Variants in NR2E1 observed in about 807,000 individuals in gnomAD.
NR2E1 encodes the protein nuclear receptor subfamily 2 group E member 1, also known as nuclear receptor TLX.
A neutral mutation model predicts 43.6 loss-of-function variants in NR2E1; 5 were observed. The ratio of observed to expected loss-of-function variants is 0.11; its 90% CI spans 0.06 to 0.24. NR2E1 has a LOEUF of 0.24. Ranked by LOEUF, NR2E1 falls within the 10% of genes least tolerant of loss-of-function variation. NR2E1 has a pLI of 1.00. For synonymous variants in NR2E1, 191 were observed against 195.5 expected (o/e 0.98, Z 0.19); for missense variants, 287 against 496.7 (o/e 0.58, Z 4.01).
chr6:108,175,539 T>C (rs1459220984), intron 3 of NR2E1, among the ~76,000 whole-genome samples: 1 of 152,174 alleles, frequency 6.6e-6, no homozygotes, highest in East Asian at 1.9e-4. Context: ...GACACCCAGC[T>C]CTCCCAAGGC....
chr6:108,171,789 G>A (rs1003784335), intron 2 of NR2E1, among the ~76,000 whole-genome samples, 186 bp downstream of exon 2: 3 of 151,770 alleles, frequency 2.0e-5, no homozygotes, highest in Non-Finnish European at 2.9e-5. Context: ...GCGGGAAGAG[G>A]TAAGGGAAGA....
At chr6:108,171,958 G>A (rs1773819124) in intron 2 of NR2E1, among the ~76,000 whole-genome samples, 1 of 152,194 alleles carries the variant, frequency 6.6e-6, no homozygotes, top group Non-Finnish European at 1.5e-5. Context: ...ACCACAAGTA[G>A]CAAGCAGGAG....
At chr6:108,167,918 C>A in intron 1 of NR2E1, 1 of 1,220,492 alleles carries the variant, frequency 8.2e-7, no homozygotes, top group Non-Finnish European at 1.1e-6. Flanking sequence ...CAATTCCCGC[C>A]CTCCTACCCC....
At chr6:108,182,241 C>CAAAAAAAAAAAA (rs766203121) in intron 8 of NR2E1, among the ~76,000 whole-genome samples, 1 of 74,320 alleles carries the variant, frequency 1.3e-5, no homozygotes. Context: ...GACTCCGTCT[C>CAAAAAAAAAAAA]AAAAAAAAAA....
intron 8 of NR2E1, among the ~76,000 whole-genome samples, chr6:108,184,112 A>C (rs1031774410): frequency 1.3e-5 from 2 of 152,188 alleles, no homozygotes; most frequent in African/African-American, 4.8e-5. Context: ...GAACTGCTTG[A>C]AGCTGGGAAG....
At chr6:108,176,429 TG>T in intron 3 of NR2E1, 73 bp from the exon 4 acceptor site, 7 of 1,474,376 alleles carry the variant, frequency 4.7e-6, no homozygotes, top group Non-Finnish European at 3.7e-6. Context: ...GGGGCGGGGC[TG>T]GGGGGAGAGC....
intron 3 of NR2E1, 170 bp from the exon 4 acceptor site, chr6:108,176,333 G>A: frequency 1.6e-6 from 1 of 635,262 alleles, no homozygotes; most frequent in Non-Finnish European, 2.8e-6. Context: ...GTGGTTAGAC[G>A]ATCTCAGAAT....
Position 108,180,965 on chromosome 6 carries a change from A to T in NR2E1, c.889+9A>T, listed in dbSNP as rs762845404. The T allele has an allele frequency of 8.1e-6, 13 of 1,614,146 alleles. No individual in the cohort carries two copies. The East Asian group carries it at 2.9e-4, about 36-fold the overall frequency. On this transcript the variant is annotated intron_variant, in intron 7 of 8. Transcript: ENST00000368986. This position sits in a 1 kb window ranked among gnomAD's most constrained non-coding sequence, Gnocchi z 5.4. ...CGTCACTTTCAAAGCCGGTAAGCAGACACAGACCCCTGTTTCTTCTCCTTC... is the reference window on the plus strand; with the variant it reads ...CGTCACTTTCAAAGCCGGTAAGCAGTCACAGACCCCTGTTTCTTCTCCTTC...
Position 108,166,798 on chromosome 6 carries a change from C to T in NR2E1, c.25+8C>T. ...AGCCAGCCGGATCAACAAGTGGGTA[C>T]CTCTCGGGCCGCCGTGGGGCCTAGG... On this transcript the variant is annotated splice_region_variant and intron_variant, in intron 1 of 8. Coordinates refer to ENST00000368986, the MANE Select transcript of NR2E1 (RefSeq NM_003269.5). This position sits in a 1 kb window ranked among gnomAD's most constrained non-coding sequence, Gnocchi z 7.2. 1.3e-6 allele frequency: 2 copies of T among 1,591,278 alleles called. No individual in the cohort carries two copies. The highest frequency in any genetic ancestry group is 1.7e-6 in the Non-Finnish European group (2 of 1,172,392).
chr6:108,181,115 C>A (rs956868733), intron 7 of NR2E1, among the ~76,000 whole-genome samples, 159 bp downstream of exon 7: 1 of 152,168 alleles, frequency 6.6e-6, no homozygotes, highest in Non-Finnish European at 1.5e-5. Context: ...GCTATGGGAA[C>A]CTGCATGTTC....
chr6:108,173,888 G>T (rs748157537), intron 2 of NR2E1, among the ~76,000 whole-genome samples: 9 of 152,148 alleles, frequency 5.9e-5, no homozygotes, highest in Non-Finnish European at 1.0e-4. Flanking sequence ...AATGGCTAAT[G>T]TTTTTACAGA....
chr6:108,185,959 G>A (rs1161757021), intron 8 of NR2E1, among the ~76,000 whole-genome samples: 1 of 152,148 alleles, frequency 6.6e-6, no homozygotes, highest in African/African-American at 2.4e-5. Context: ...GATGGCAGAG[G>A]TCGTCCAGGC....
chr6:108,185,303 T>C (rs1470492669), intron 8 of NR2E1, among the ~76,000 whole-genome samples: 4 of 152,102 alleles, frequency 2.6e-5, no homozygotes, highest in Admixed American at 6.6e-5. Flanking sequence ...AAAATCCAAT[T>C]ATTGATGCTA....
chr6:108,166,721 G>C lies in NR2E1; in HGVS notation c.-45G>C. On this transcript the variant is annotated 5_prime_UTR_variant, in exon 1 of 9. Coordinates refer to ENST00000368986, the MANE Select transcript of NR2E1 (RefSeq NM_003269.5). The surrounding 1 kb of genome is among the most constrained non-coding windows in gnomAD (Gnocchi z 7.2). ...CGGCGAGGCGGGCGCTGCCGGCCGG[G>C]ACTCGGGCAGCGCCCACCAACCGCT... 6.6e-7 allele frequency: 1 copy of C among 1,514,232 alleles called. No individual in the cohort carries two copies. The highest frequency in any genetic ancestry group is 8.8e-7 in the Non-Finnish European group (1 of 1,134,368). The allele number at this position is 1,514,232 out of a possible 1,614,324, so 93.8% of individuals were successfully genotyped here.
At chr6:108,184,201 A>G (rs1464083320) in intron 8 of NR2E1, among the ~76,000 whole-genome samples, 1 of 152,220 alleles carries the variant, frequency 6.6e-6, no homozygotes, top group Non-Finnish European at 1.5e-5. Context: ...CGTCTAAAAA[A>G]CAAACAAAAA....
At chr6:108,182,576 T>TTTTA (rs1774009672) in intron 8 of NR2E1, among the ~76,000 whole-genome samples, 1 of 145,342 alleles carries the variant, frequency 6.9e-6, no homozygotes, top group African/African-American at 2.7e-5. Context: ...TTTTTTTTTT[T>TTTTA]GAGACAGAGT....
intron 5 of NR2E1, among the ~76,000 whole-genome samples, chr6:108,178,593 T>C (rs1378982698): frequency 2.6e-5 from 4 of 152,220 alleles, no homozygotes; most frequent in African/African-American, 9.6e-5. Context: ...AATGTTTTAC[T>C]AAGAACATTG....
Position 108,168,020 on chromosome 6 carries a change from A to T in NR2E1, c.25+1230A>T, listed in dbSNP as rs759948378. On this transcript the variant is annotated intron_variant, in intron 1 of 8. Transcript: ENST00000368986. ...CAAAATGAACGTGAACAAAAAGAAA[A>T]GGAGAAATGTTTCGAGCTGGGGCAG... 1.9e-6 allele frequency: 3 copies of T among 1,588,306 alleles called. No individual in the cohort carries two copies. In the South Asian group the frequency reaches 3.5e-5, roughly 18 times the overall value.
At chr6:108,183,551 T>C (rs950195088) in intron 8 of NR2E1, among the ~76,000 whole-genome samples, 2 of 151,990 alleles carry the variant, frequency 1.3e-5, no homozygotes, top group Admixed American at 6.6e-5. Flanking sequence ...ATAGACACTG[T>C]GGGGGGAATA....
Sources: gnomAD v4.1 joint callset for allele counts (sites outside exome capture counted in the v4.1 genomes callset) on GRCh38, gnomAD v4.1.1 for gene constraint, Gnocchi (gnomAD v3.1) non-coding constraint, MANE v1.5 for transcripts, NCBI Gene and HGNC (gene_info 2026-07-23, HGNC 2026-07-21) for gene names.